Variants in OTUB2 observed in about 807,000 individuals in gnomAD.
OTUB2 encodes OTU deubiquitinase, ubiquitin aldehyde binding 2.
A neutral mutation model predicts 25.1 loss-of-function variants in OTUB2; 21 were observed. The ratio of observed to expected loss-of-function variants is 0.84; its 90% confidence interval spans 0.59 to 1.21. The LOEUF (loss-of-function observed/expected upper bound fraction) is 1.21, where lower values mean the gene tolerates loss of function less well. OTUB2 is among the 50% of genes most tolerant of loss of function. The pLI, the probability that OTUB2 is intolerant of heterozygous loss-of-function variation, is 0.00. For missense variants in OTUB2, 283 were observed against 298.0 expected (o/e 0.95, Z 0.37); for synonymous variants, 122 against 122.8 (o/e 0.99, Z 0.04).
Position 94,026,507 on chromosome 14 carries a change from G to C in OTUB2, c.-31G>C. ...CCCGCACCGGATCGCTCCTCGCTGGGGCGGGACCTGGCCTGGCGGCTCTGG... is the reference window on the plus strand; with the variant it reads ...CCCGCACCGGATCGCTCCTCGCTGGCGCGGGACCTGGCCTGGCGGCTCTGG... On this transcript the variant is annotated 5_prime_UTR_variant, in exon 1 of 6. Transcript: ENST00000203664. The C allele has an allele frequency of 1.5e-6, 2 of 1,301,718 alleles. No homozygotes were observed. Among genetic ancestry groups the C allele is most frequent in the Non-Finnish European group, 2.0e-6 (2 of 1,019,462 alleles). 80.6% of individuals were successfully genotyped at this position (1,301,718 alleles called of 1,614,324 possible).
At chr14:94,044,894 A>G (rs1208680858) in intron 5 of OTUB2, 114 bp downstream of exon 5, 4 of 1,121,872 alleles carry the variant, frequency 3.6e-6, no homozygotes, top group Non-Finnish European at 4.9e-6. Context: ...TGCCCTTGCA[A>G]TTCAAACAGA....
At chr14:94,043,432 C>T (rs979539013) in intron 3 of OTUB2, among the ~76,000 whole-genome samples, 1 of 152,184 alleles carries the variant, frequency 6.6e-6, no homozygotes, top group Non-Finnish European at 1.5e-5. Flanking sequence ...TTGCCATACC[C>T]CCTGAGGGCA....
chr14:94,044,707 T>C lies in OTUB2; in HGVS notation c.425T>C (p.Phe142Ser), dbSNP rs746697350. 7 of 1,613,992 alleles carry C rather than the reference T, an allele frequency of 4.3e-6. No individual in the cohort carries two copies. Among genetic ancestry groups the C allele is most frequent in the African/African-American group, 4.0e-5 (3 of 74,922 alleles). Residue 142 changes from phenylalanine to serine, a missense_variant, in exon 5 of 6, where the codon TTC becomes TCC. Transcript: ENST00000203664. ...VQFLRLLTSA[F>S]IRNRADFFRH... ...TTCCTGCGCCTGCTCACGTCGGCCT[T>C]CATCAGGAACCGAGCAGACTTCTTC...
intron 5 of OTUB2, 34 bp from the exon 6 acceptor site, chr14:94,045,682 C>T (rs780645602): frequency 6.2e-7 from 1 of 1,606,340 alleles, no homozygotes; most frequent in Non-Finnish European, 8.5e-7. Context: ...GGCCTCCCTC[C>T]TAAGCTGGCT....
chr14:94,048,837 G>A lies in OTUB2; in HGVS notation c.*2915G>A, dbSNP rs1885333720. ...GCTGTAACTCAGTGAGTGGCTTCCAGGGGCCCCAGGCCCTGCTGGATGTGG... is the reference window on the plus strand; with the variant it reads ...GCTGTAACTCAGTGAGTGGCTTCCAAGGGCCCCAGGCCCTGCTGGATGTGG... On this transcript the variant is annotated 3_prime_UTR_variant, in exon 6 of 6. Coordinates refer to ENST00000203664, the MANE Select transcript of OTUB2 (RefSeq NM_023112.4). 1 of 152,294 alleles carries A rather than the reference G, an allele frequency of 6.6e-6. No individual in the cohort carries two copies. Among genetic ancestry groups the A allele is most frequent in the African/African-American group, 2.4e-5 (1 of 41,460 alleles). The allele number at this position is 152,294 out of a possible 1,614,324, so 9.4% of individuals were successfully genotyped here.
rs1422096238 is a variant in OTUB2 at position 94,029,527 on chromosome 14, A to G, written c.3+2987A>G. Among the ~76,000 whole-genome samples, 3 of 151,974 alleles carry G rather than the reference A, an allele frequency of 2.0e-5. 1 individual carries two copies. Among genetic ancestry groups the G allele is most frequent in the East Asian group, 1.9e-4 (1 of 5,192 alleles). On this transcript the variant is annotated intron_variant, in intron 1 of 5. Transcript: ENST00000203664. ...TTCCTGTATGCCGGTCTGTGTCCTA[A>G]TTTCCTCTTTTTATAAGGACACCAG...
Position 94,043,978 on chromosome 14 carries a change from G to C in OTUB2, c.226G>C (p.Glu76Gln), listed in dbSNP as rs766622242. The C allele has an allele frequency of 7.4e-6, 12 of 1,614,066 alleles. No individual in the cohort carries two copies. In the African/African-American group the frequency reaches 1.1e-4, roughly 14 times the overall value. The change falls in exon 4 of 6, where the codon GAA becomes CAA. Residue 76 changes from glutamate (E) to glutamine (Q), a missense_variant. Glu to Gln is a conservative substitution (Grantham distance 29, BLOSUM62 2). Transcript: ENST00000203664. ...AGTCTTCCCCCTCTGTAGGTTCAAAGAACGCGTACTGCAGACCCCAAATGA... is the reference window on the plus strand; with the variant it reads ...AGTCTTCCCCCTCTGTAGGTTCAAACAACGCGTACTGCAGACCCCAAATGA... ...GKSREIFKFKERVLQTPNDLL... is the reference protein window; with the variant it reads ...GKSREIFKFKQRVLQTPNDLL...
intron 1 of OTUB2, among the ~76,000 whole-genome samples, chr14:94,032,704 A>C (rs868618990): frequency 3.2e-4 from 49 of 152,340 alleles, no homozygotes; most frequent in African/African-American, 1.0e-3. Context: ...TGTATGTTTT[A>C]CCATAATTAT....
chr14:94,042,186 C>T (rs1011731130), intron 3 of OTUB2, among the ~76,000 whole-genome samples: 3 of 152,252 alleles, frequency 2.0e-5, no homozygotes, highest in African/African-American at 7.2e-5. Context: ...CTGAGGGCAG[C>T]CACTGTTACT....
chr14:94,039,993 T>C (rs60816973), intron 3 of OTUB2, among the ~76,000 whole-genome samples: 39,040 of 151,988 alleles, frequency 0.26, 5,970 homozygotes, highest in African/African-American at 0.42. Flanking sequence ...GGCTGTCCTA[T>C]GCATTGTAGG....
chr14:94,041,843 T>C (rs1447209419), intron 3 of OTUB2, among the ~76,000 whole-genome samples: 1 of 152,206 alleles, frequency 6.6e-6, no homozygotes, highest in Non-Finnish European at 1.5e-5. Flanking sequence ...CTTCACTCAC[T>C]CCTCTGTAGC....
In OTUB2 at chr14:94,048,007, C is replaced by T. The variant is rs1369825520; in HGVS notation, c.*2085C>T. 6.6e-6 allele frequency: 1 copy of T among 152,216 alleles called. No individual in the cohort carries two copies. The highest frequency in any genetic ancestry group is 2.4e-5 in the African/African-American group (1 of 41,450). 9.4% of individuals were successfully genotyped at this position (152,216 alleles called of 1,614,324 possible). Reference sequence around the variant, plus strand: ...TTCATGGTCTTACCCTCTGCTTTTCCCCTTTTTGCAAAAAACCACTGGCCA... The same window carrying T: ...TTCATGGTCTTACCCTCTGCTTTTCTCCTTTTTGCAAAAAACCACTGGCCA... On this transcript the variant is annotated 3_prime_UTR_variant, in exon 6 of 6. Transcript: ENST00000203664.
intron 4 of OTUB2, among the ~76,000 whole-genome samples, chr14:94,044,263 T>A (rs1595369000): frequency 6.6e-6 from 1 of 152,074 alleles, no homozygotes; most frequent in Non-Finnish European, 1.5e-5. Flanking sequence ...CCTATCCAAT[T>A]AGTGAAGGGG....
chr14:94,039,436 T>C lies in OTUB2; in HGVS notation c.218+355T>C, dbSNP rs116424909. Reference sequence around the variant, plus strand: ...AGCTTTGCCCCGGTGTTCTGCATAATTCCTGTTGACCTTGGTGTGGAGTGT... The same window carrying C: ...AGCTTTGCCCCGGTGTTCTGCATAACTCCTGTTGACCTTGGTGTGGAGTGT... On this transcript the variant is annotated intron_variant, in intron 3 of 5. Coordinates refer to ENST00000203664, the MANE Select transcript of OTUB2 (RefSeq NM_023112.4). 2,183 of 266,592 alleles carry C rather than the reference T, an allele frequency of 8.2e-3. 47 individuals are homozygous for C. The highest frequency in any genetic ancestry group is 0.044 in the African/African-American group (1,963 of 44,786). 16.5% of individuals were successfully genotyped at this position (266,592 alleles called of 1,614,324 possible).
chr14:94,026,886 C>T (rs1038233011), intron 1 of OTUB2, among the ~76,000 whole-genome samples: 2 of 152,186 alleles, frequency 1.3e-5, no homozygotes, highest in African/African-American at 2.4e-5. Context: ...CTACGGGTCG[C>T]CTCCTCTTTG....
intron 1 of OTUB2, among the ~76,000 whole-genome samples, chr14:94,035,053 A>G (rs1885025050): frequency 6.6e-6 from 1 of 152,124 alleles, no homozygotes; most frequent in South Asian, 2.1e-4. Context: ...GTGTTGTCTG[A>G]TTCCTCCTGA....
intron 3 of OTUB2, among the ~76,000 whole-genome samples, chr14:94,041,882 G>C (rs184362372): frequency 6.6e-6 from 1 of 152,154 alleles, no homozygotes; most frequent in African/African-American, 2.4e-5. Context: ...AGTGGCCATA[G>C]CCCTGTCACG....
At chr14:94,033,015 G>A (rs1191488363) in intron 1 of OTUB2, among the ~76,000 whole-genome samples, 1 of 152,196 alleles carries the variant, frequency 6.6e-6, no homozygotes, top group Non-Finnish European at 1.5e-5. Flanking sequence ...GGGTTCAAGT[G>A]AGTCTCCTGC....
intron 1 of OTUB2, among the ~76,000 whole-genome samples, chr14:94,028,935 G>A (rs796795136): frequency 1.7e-4 from 26 of 152,254 alleles, no homozygotes; most frequent in African/African-American, 4.8e-4. Flanking sequence ...TGGCGGGTGC[G>A]GGGGGACAGT....
Sources: gnomAD v4.1 joint callset for allele counts (sites outside exome capture counted in the v4.1 genomes callset) on GRCh38, gnomAD v4.1.1 for gene constraint, MANE v1.5 for transcripts, NCBI Gene and HGNC (gene_info 2026-07-23, HGNC 2026-07-21) for gene names.